Variants in FOXN3 observed in about 807,000 individuals in gnomAD.
FOXN3 encodes the protein forkhead box protein N3.
In FOXN3, 7 loss-of-function variants were observed where a neutral mutation model predicts 38.4. The ratio of observed to expected loss-of-function variants is 0.18; its 90% CI spans 0.10 to 0.34. FOXN3 has a LOEUF of 0.34. Among genes scored for constraint, FOXN3 ranks in the 10% least tolerant of loss-of-function variants. The pLI, the probability that FOXN3 is intolerant of heterozygous loss-of-function variation, is 1.00. For missense variants in FOXN3, 456 were observed against 613.4 expected (o/e 0.74, Z 2.71); for synonymous variants, 230 against 242.2 (o/e 0.95, Z 0.47).
chr14:89,185,600 G>A (rs758485549), intron 4 of FOXN3: 5 of 152,284 alleles, frequency 3.3e-5, no homozygotes, highest in Non-Finnish European at 5.9e-5. Flanking sequence ...GACGTTGAAA[G>A]TCAACTTCTT....
At chr14:89,616,913 AC>A (rs1896506834) in intron 1 of FOXN3, among the ~76,000 whole-genome samples, 1 of 152,208 alleles carries the variant, frequency 6.6e-6, no homozygotes, top group Admixed American at 6.5e-5. Flanking sequence ...TTGTAAAATG[AC>A]CTTGATTTGA....
chr14:89,521,745 A>C (rs959305280), intron 1 of FOXN3, among the ~76,000 whole-genome samples: 1 of 152,168 alleles, frequency 6.6e-6, no homozygotes, highest in African/African-American at 2.4e-5. Context: ...TTAAAGATCA[A>C]AACAAAACAA....
intron 1 of FOXN3, among the ~76,000 whole-genome samples, chr14:89,605,064 T>G (rs1896241976): frequency 1.4e-5 from 2 of 141,248 alleles, no homozygotes; most frequent in African/African-American, 2.7e-5. Context: ...ATGAAGGGGG[T>G]GGGTTGGGGG....
chr14:89,304,990 T>C (rs1231608349), intron 3 of FOXN3, among the ~76,000 whole-genome samples: 2 of 152,036 alleles, frequency 1.3e-5, no homozygotes, highest in Non-Finnish European at 2.9e-5. Flanking sequence ...TAGTGTTTTT[T>C]CTTCCTTCTT....
At chr14:89,297,808 A>C (rs1416896478) in intron 3 of FOXN3, among the ~76,000 whole-genome samples, 1 of 151,856 alleles carries the variant, frequency 6.6e-6, no homozygotes, top group Non-Finnish European at 1.5e-5. Flanking sequence ...CAAGACCCTG[A>C]TTCTACAAAA....
At position 89,163,579 on chromosome 14, in the gene FOXN3, A is replaced by G. The variant is rs1017455886; in HGVS notation, c.852-610T>C. On this transcript the variant is annotated intron_variant, in intron 5 of 5. Coordinates refer to ENST00000557258, the MANE Select transcript of FOXN3 (RefSeq NM_005197.4). The surrounding 1 kb of genome is among the most constrained non-coding windows in gnomAD (Gnocchi z 4.3). ...GGAGGGACACGGGGTTGGATCGGATATAGACACTGCCACAGCGATGTTGCA... is the reference window on the plus strand; with the variant it reads ...GGAGGGACACGGGGTTGGATCGGATGTAGACACTGCCACAGCGATGTTGCA... Among the ~76,000 whole-genome samples, 3 of 152,178 alleles carry G rather than the reference A, an allele frequency of 2.0e-5. No individual in the cohort carries two copies. The highest frequency in any genetic ancestry group is 7.2e-5 in the African/African-American group (3 of 41,448).
intron 2 of FOXN3, among the ~76,000 whole-genome samples, chr14:89,407,717 T>C (rs1223964093): frequency 6.6e-6 from 1 of 151,974 alleles, no homozygotes; most frequent in Non-Finnish European, 1.5e-5. Flanking sequence ...TATGTACTTG[T>C]AGTCCCCCCT....
At chr14:89,251,948 G>C (rs1885469887) in intron 4 of FOXN3, among the ~76,000 whole-genome samples, 1 of 152,230 alleles carries the variant, frequency 6.6e-6, no homozygotes, top group African/African-American at 2.4e-5. Flanking sequence ...AAAGACATTT[G>C]CTTTGCGATA....
intron 3 of FOXN3, among the ~76,000 whole-genome samples, chr14:89,299,650 A>C (rs1406728869): frequency 3.9e-5 from 6 of 151,950 alleles, no homozygotes; most frequent in Admixed American, 2.6e-4. Context: ...TACCTTCTAC[A>C]CCTCCCACTT....
At chr14:89,268,071 T>C (rs10142440) in intron 4 of FOXN3, among the ~76,000 whole-genome samples, 14,267 of 152,162 alleles carry the variant, frequency 0.094, 770 homozygotes, top group African/African-American at 0.15. Context: ...TATATGCACC[T>C]ACACACACAT....
chr14:89,381,931 T>G (rs1890660679), intron 2 of FOXN3, among the ~76,000 whole-genome samples: 1 of 152,056 alleles, frequency 6.6e-6, no homozygotes, highest in African/African-American at 2.4e-5. Flanking sequence ...CTTGATCCTC[T>G]CAACTACTCC....
At chr14:89,180,997 C>T (rs1428830981) in intron 4 of FOXN3, among the ~76,000 whole-genome samples, 191 bp from the exon 5 acceptor site, 1 of 150,946 alleles carries the variant, frequency 6.6e-6, no homozygotes, top group Non-Finnish European at 1.5e-5. Context: ...CAGACACACA[C>T]TCACACAGTC....
At chr14:89,567,753 C>T (rs1281879321) in intron 1 of FOXN3, among the ~76,000 whole-genome samples, 19 of 144,986 alleles carry the variant, frequency 1.3e-4, no homozygotes, top group Non-Finnish European at 2.5e-4. Flanking sequence ...GACAGAGTCT[C>T]GCTCTGTCTC....
intron 4 of FOXN3, among the ~76,000 whole-genome samples, chr14:89,229,237 C>T (rs117780646): frequency 0.015 from 2,291 of 152,268 alleles, 36 homozygotes; most frequent in Middle Eastern, 0.024. Context: ...TGACAAAATT[C>T]GTCACATTGA....
chr14:89,487,153 G>A (rs749860771), intron 1 of FOXN3, among the ~76,000 whole-genome samples: 1 of 152,166 alleles, frequency 6.6e-6, no homozygotes, highest in Non-Finnish European at 1.5e-5. Context: ...AAATGTCTCT[G>A]GCTCTACTCC....
intron 1 of FOXN3, among the ~76,000 whole-genome samples, chr14:89,502,906 C>A (rs561458717): frequency 2.0e-5 from 3 of 152,264 alleles, no homozygotes; most frequent in Admixed American, 2.0e-4. Flanking sequence ...AAGATACAAA[C>A]TTTCAGACTT....
At chr14:89,581,030 A>T (rs1474516764) in intron 1 of FOXN3, among the ~76,000 whole-genome samples, 1 of 151,960 alleles carries the variant, frequency 6.6e-6, no homozygotes, top group Non-Finnish European at 1.5e-5. Flanking sequence ...AAAAAAAAAA[A>T]AATTAGCCAA....
chr14:89,542,305 C>G (rs1046382461), intron 1 of FOXN3, among the ~76,000 whole-genome samples: 10 of 152,158 alleles, frequency 6.6e-5, no homozygotes, highest in Admixed American at 6.5e-4. Context: ...TGGACACTCC[C>G]AAGTCTGAGT....
intron 1 of FOXN3, among the ~76,000 whole-genome samples, chr14:89,459,105 G>A (rs1892786307): frequency 6.6e-6 from 1 of 152,074 alleles, no homozygotes; most frequent in South Asian, 2.1e-4. Flanking sequence ...AGAGAAACGT[G>A]CAGAGTGAAT....
Sources: allele counts gnomAD v4.1 joint callset (sites outside exome capture counted in the v4.1 genomes callset), GRCh38; gene constraint gnomAD v4.1.1; non-coding constraint Gnocchi (gnomAD v3.1); transcripts MANE v1.5; gene names NCBI Gene and HGNC (gene_info 2026-07-23, HGNC 2026-07-21).